GRIA2: variants seen among roughly 807,000 people sequenced by gnomAD.
The protein encoded by GRIA2 is glutamate ionotropic receptor AMPA type subunit 2.
Under a neutral mutation model 97.3 loss-of-function variants are expected in GRIA2, and 14 were observed. The observed-to-expected ratio is 0.14, with a 90% confidence interval of 0.10 to 0.23. The LOEUF (loss-of-function observed/expected upper bound fraction) is 0.23, where lower values mean the gene tolerates loss of function less well. Ranked by LOEUF, GRIA2 falls within the 10% of genes least tolerant of loss-of-function variation. GRIA2 has a pLI of 1.00. For synonymous variants in GRIA2, 412 were observed against 387.8 expected (o/e 1.06, Z -0.73); for missense variants, 558 against 1,069.8 (o/e 0.52, Z 6.67).
intron 6 of GRIA2, among the ~76,000 whole-genome samples, chr4:157,331,960 G>A (rs1022556979): frequency 2.6e-5 from 4 of 151,872 alleles, no homozygotes; most frequent in African/African-American, 4.8e-5. Flanking sequence ...CCCAAGCTTC[G>A]CCGTACTCTT....
At chr4:157,230,425 A>G (rs959274304) in intron 2 of GRIA2, among the ~76,000 whole-genome samples, 1 of 152,198 alleles carries the variant, frequency 6.6e-6, no homozygotes, top group Non-Finnish European at 1.5e-5. Flanking sequence ...AAAAAGGGAA[A>G]AACTCTAAGA....
chr4:157,273,583 A>G (rs1732135981), intron 2 of GRIA2, among the ~76,000 whole-genome samples: 2 of 152,104 alleles, frequency 1.3e-5, no homozygotes, highest in Non-Finnish European at 2.9e-5. Flanking sequence ...ACTGTAAGAG[A>G]AATAAAGAAT....
chr4:157,358,244 T>A (rs1222767506), intron 12 of GRIA2, among the ~76,000 whole-genome samples: 1 of 152,144 alleles, frequency 6.6e-6, no homozygotes, highest in African/African-American at 2.4e-5. Context: ...GTTTCTACAG[T>A]AGGCAAAGTT....
Position 157,220,911 on chromosome 4 carries a change from T to A in GRIA2, c.-132T>A, listed in dbSNP as rs1315947496. On this transcript the variant is annotated 5_prime_UTR_variant, in exon 1 of 16. Coordinates refer to ENST00000264426, the MANE Select transcript of GRIA2 (RefSeq NM_001083619.3). ...GATTCTTCTGCCTCCACTTCAGGTT[T>A]TAGCAGCTTGGTGCTAAATTGCTGT... The A allele has an allele frequency of 1.5e-6, 1 of 658,938 alleles. No homozygotes were observed. The highest frequency in any genetic ancestry group is 2.6e-5 in the East Asian group (1 of 38,056). The allele number at this position is 658,938 out of a possible 1,614,324, so 40.8% of individuals were successfully genotyped here.
At chr4:157,234,010 T>C (rs1730135414) in intron 2 of GRIA2, among the ~76,000 whole-genome samples, 3 of 152,200 alleles carry the variant, frequency 2.0e-5, no homozygotes, top group Non-Finnish European at 4.4e-5. Context: ...GTTGGCAACA[T>C]AGCTAGTATA....
At chr4:157,286,885 C>A (rs989367771) in intron 2 of GRIA2, among the ~76,000 whole-genome samples, 1 of 151,552 alleles carries the variant, frequency 6.6e-6, no homozygotes, top group African/African-American at 2.4e-5. Flanking sequence ...TATTTGATTA[C>A]TCTCACATTC....
At chr4:157,340,694 A>AT (rs1735508253) in intron 11 of GRIA2, among the ~76,000 whole-genome samples, 1 of 151,532 alleles carries the variant, frequency 6.6e-6, no homozygotes, top group South Asian at 2.1e-4. Flanking sequence ...TTGTAGCATT[A>AT]TTTTTTCCTC....
At chr4:157,339,329 G>A (rs548477295) in intron 11 of GRIA2, among the ~76,000 whole-genome samples, 1 of 152,030 alleles carries the variant, frequency 6.6e-6, no homozygotes, top group South Asian at 2.1e-4. Flanking sequence ...TGATGCTGAT[G>A]GGCGAAAGTT....
At chr4:157,359,758 A>C (rs1736553800) in intron 12 of GRIA2, 138 bp from the exon 13 acceptor site, 1 of 722,410 alleles carries the variant, frequency 1.4e-6, no homozygotes, top group Non-Finnish European at 2.3e-6. Context: ...TATTAGTGAA[A>C]AAAATTGTTG....
intron 2 of GRIA2, among the ~76,000 whole-genome samples, chr4:157,290,516 T>A (rs79925908): frequency 6.7e-6 from 1 of 148,208 alleles, no homozygotes; most frequent in Admixed American, 6.7e-5. Context: ...TTTTTTTTTT[T>A]AATCCAGATT....
intron 3 of GRIA2, among the ~76,000 whole-genome samples, chr4:157,308,903 T>A (rs1318592469): frequency 4.6e-5 from 7 of 152,168 alleles, no homozygotes; most frequent in African/African-American, 1.7e-4. Context: ...AATTTAAAAA[T>A]GGTATATTGA....
At chr4:157,239,243 T>A (rs997595903) in intron 2 of GRIA2, among the ~76,000 whole-genome samples, 6 of 152,156 alleles carry the variant, frequency 3.9e-5, no homozygotes, top group Non-Finnish European at 8.8e-5. Context: ...ATATTAATAA[T>A]GCCTATAATA....
intron 2 of GRIA2, among the ~76,000 whole-genome samples, chr4:157,262,785 G>A (rs763841989): frequency 2.6e-5 from 4 of 151,798 alleles, no homozygotes; most frequent in Non-Finnish European, 5.9e-5. Flanking sequence ...TAAAGAAAGG[G>A]GCAGAATAAG....
At chr4:157,299,463 T>C (rs977064143) in intron 2 of GRIA2, among the ~76,000 whole-genome samples, 2 of 152,182 alleles carry the variant, frequency 1.3e-5, no homozygotes, top group Admixed American at 6.6e-5. Context: ...GAATCTCAAC[T>C]TATAAATCTA....
At chr4:157,338,069 C>G (rs1735385342) in intron 11 of GRIA2, among the ~76,000 whole-genome samples, 1 of 122,130 alleles carries the variant, frequency 8.2e-6, no homozygotes, top group African/African-American at 3.1e-5. Flanking sequence ...TTTTTTTTAT[C>G]TCTGACAAAA....
chr4:157,308,747 GC>G (rs1733949006), intron 3 of GRIA2, among the ~76,000 whole-genome samples: 1 of 151,866 alleles, frequency 6.6e-6, no homozygotes, highest in South Asian at 2.1e-4. Flanking sequence ...ATACTTCTGT[GC>G]TAGTTTGTGT....
chr4:157,356,343 T>G (rs1736377573), intron 12 of GRIA2, among the ~76,000 whole-genome samples: 1 of 151,234 alleles, frequency 6.6e-6, no homozygotes, highest in Non-Finnish European at 1.5e-5. Flanking sequence ...ACAGAAATGA[T>G]TGTCAACCCC....
intron 13 of GRIA2, 41 bp downstream of exon 13, chr4:157,360,184 G>A (rs199878459): frequency 3.0e-5 from 48 of 1,588,320 alleles, no homozygotes; most frequent in Admixed American, 2.7e-4. Flanking sequence ...TGTTGTTATA[G>A]TATCCCACCT....
At chr4:157,267,082 A>C (rs2126781469) in intron 2 of GRIA2, among the ~76,000 whole-genome samples, 1 of 151,952 alleles carries the variant, frequency 6.6e-6, no homozygotes, top group South Asian at 2.1e-4. Context: ...AAAAAGGAAG[A>C]AAGGAAATTT....
Sources: gnomAD v4.1 joint callset for allele counts (sites outside exome capture counted in the v4.1 genomes callset) on GRCh38, gnomAD v4.1.1 for gene constraint, MANE v1.5 for transcripts, NCBI Gene and HGNC (gene_info 2026-07-23, HGNC 2026-07-21) for gene names.